Variants in PPFIBP1 observed in about 807,000 individuals in gnomAD.
The protein encoded by PPFIBP1 is liprin-beta-1.
Under a neutral mutation model 137.8 loss-of-function variants are expected in PPFIBP1, and 112 were observed. That is an observed-to-expected ratio of 0.81 (90% confidence interval 0.70 to 0.95). The LOEUF is 0.95. Ranked by LOEUF, PPFIBP1 falls within the 40% of genes least tolerant of loss-of-function variation. The probability of loss-of-function intolerance (pLI) is 0.00; values close to 1 mark genes in which losing one functional copy is unlikely to be tolerated. For missense variants in PPFIBP1, 1,083 were observed against 1,196.6 expected, an observed-to-expected ratio of 0.91 and a Z score of 1.40; for synonymous variants, 378 against 417.3, an observed-to-expected ratio of 0.91 and a Z score of 1.15.
At position 27,681,534 on chromosome 12, in the gene PPFIBP1, A is replaced by G; in HGVS notation, c.1896-12A>G. 3 of 1,611,574 alleles carry G rather than the reference A, an allele frequency of 1.9e-6. No individual in the cohort carries two copies. The highest frequency in any genetic ancestry group is 2.5e-6 in the Non-Finnish European group (3 of 1,178,070). On this transcript the variant is annotated splice_polypyrimidine_tract_variant and intron_variant, in intron 21 of 29. Coordinates refer to ENST00000228425, the MANE Select transcript of PPFIBP1 (RefSeq NM_003622.4). Reference sequence around the variant, plus strand: ...TGGATTATTTTTCATGCAATTACTCATTTTCCTGTAGTGACTTGGATATGC... The same window carrying G: ...TGGATTATTTTTCATGCAATTACTCGTTTTCCTGTAGTGACTTGGATATGC...
intron 2 of PPFIBP1, among the ~76,000 whole-genome samples, chr12:27,602,255 A>T (rs1015510076): frequency 6.6e-6 from 1 of 152,278 alleles, no homozygotes; most frequent in South Asian, 2.1e-4. Context: ...AGCTGAGGAC[A>T]CCATTTCCCC....
rs551097873 is a variant in PPFIBP1, at chr12:27,632,665, T to G, written c.-35-697T>G. Among the ~76,000 whole-genome samples, 5 of 152,286 alleles carry G rather than the reference T, an allele frequency of 3.3e-5. No individual in the cohort carries two copies. The East Asian group carries it at 9.6e-4, about 29-fold the overall frequency. ...AAACTGAACTTCGCTATATTTACTTTGCTGTGTTTCCATGCAAAAATCAAA... is the reference window on the plus strand; with the variant it reads ...AAACTGAACTTCGCTATATTTACTTGGCTGTGTTTCCATGCAAAAATCAAA... On this transcript the variant is annotated intron_variant, in intron 2 of 29. Transcript: ENST00000228425.
At chr12:27,649,872 A>G in intron 6 of PPFIBP1, 138 bp from the exon 7 acceptor site, 1 of 802,936 alleles carries the variant, frequency 1.2e-6, no homozygotes. Context: ...AATTTTTTAA[A>G]AGTGTGTAGA....
intron 2 of PPFIBP1, among the ~76,000 whole-genome samples, chr12:27,604,750 A>G (rs1293502875): frequency 1.3e-5 from 2 of 152,168 alleles, no homozygotes; most frequent in Non-Finnish European, 2.9e-5. Flanking sequence ...CTCTTTACCT[A>G]TATTAGTCTG....
rs28491099 is a variant in PPFIBP1 at position 27,671,679 on chromosome 12, G to A, written c.1262+133G>A. On this transcript the variant is annotated intron_variant, in intron 14 of 29. Coordinates refer to ENST00000228425, the MANE Select transcript of PPFIBP1 (RefSeq NM_003622.4). ...AGAAACTGCAAGATGTCCACTGGGG[G>A]ATCTGTAATCAGTTCTGTATTATGG... 878 of 567,562 alleles carry A rather than the reference G, an allele frequency of 1.5e-3. 9 individuals are homozygous for A. The African/African-American group carries it at 0.016, about 10-fold the overall frequency. The allele number at this position is 567,562 out of a possible 1,614,324, so 35.2% of individuals were successfully genotyped here.
At chr12:27,665,642 T>G (rs1372261960) in intron 12 of PPFIBP1, among the ~76,000 whole-genome samples, 2 of 152,222 alleles carry the variant, frequency 1.3e-5, no homozygotes, top group Admixed American at 6.5e-5. Context: ...AAAGTGCTCT[T>G]GTTTTTTAGC....
At chr12:27,631,591 G>A (rs1254037273) in intron 2 of PPFIBP1, among the ~76,000 whole-genome samples, 1 of 152,130 alleles carries the variant, frequency 6.6e-6, no homozygotes, top group East Asian at 1.9e-4. Flanking sequence ...ATTAAATGAA[G>A]GGATTCGTCT....
chr12:27,553,482 A>T (rs928535238), intron 1 of PPFIBP1, among the ~76,000 whole-genome samples: 4 of 152,196 alleles, frequency 2.6e-5, no homozygotes, highest in African/African-American at 9.7e-5. Context: ...ATGTGTTGGG[A>T]AAGTCCCTGG....
At chr12:27,606,410 AT>A (rs1270855120) in intron 2 of PPFIBP1, among the ~76,000 whole-genome samples, 1 of 152,100 alleles carries the variant, frequency 6.6e-6, no homozygotes, top group Non-Finnish European at 1.5e-5. Context: ...AAGCTAGGAA[AT>A]TTTTTTAGCT....
Position 27,667,262 on chromosome 12 carries a change from C to A in PPFIBP1, c.1088C>A (p.Pro363His), listed in dbSNP as rs762420574. 7 of 1,613,426 alleles carry A rather than the reference C, an allele frequency of 4.3e-6. No individual in the cohort carries two copies. In the South Asian group the frequency reaches 5.5e-5, roughly 13 times the overall value. ...AGTGATCTGGAGAAAAGTCCATCAC[C>A]CACTCCAGTAATGGGATCTCCCAGT... ...GFSDLEKSPS[P>H]TPVMGSPSCD... Residue 363 changes from proline (P) to histidine (H), a missense_variant, in exon 13 of 30, where the codon CCC (proline) becomes CAC (histidine). Physicochemically the swap from Pro to His is moderately conservative, Grantham distance 77 (BLOSUM62 -2). Transcript: ENST00000228425.
At chr12:27,590,960 C>G (rs1460439608) in intron 2 of PPFIBP1, among the ~76,000 whole-genome samples, 2 of 152,056 alleles carry the variant, frequency 1.3e-5, no homozygotes, top group Non-Finnish European at 2.9e-5. Context: ...ACCAACCTCC[C>G]CTTGCTGAAT....
chr12:27,538,054 T>C (rs992022859), intron 1 of PPFIBP1: 6 of 152,280 alleles, frequency 3.9e-5, no homozygotes, highest in Non-Finnish European at 7.3e-5. Context: ...CACTGTATCA[T>C]CTTGTGACCT....
At chr12:27,612,591 C>A (rs1276579813) in intron 2 of PPFIBP1, among the ~76,000 whole-genome samples, 1 of 151,970 alleles carries the variant, frequency 6.6e-6, no homozygotes, top group East Asian at 1.9e-4. Context: ...TTAAGCGAGC[C>A]TCCCGTCTCA....
At chr12:27,665,953 T>C (rs888858825) in intron 12 of PPFIBP1, among the ~76,000 whole-genome samples, 1 of 152,260 alleles carries the variant, frequency 6.6e-6, no homozygotes, top group Non-Finnish European at 1.5e-5. Flanking sequence ...CTATGGAATA[T>C]TGCAAATTTG....
intron 1 of PPFIBP1, among the ~76,000 whole-genome samples, chr12:27,576,801 C>G (rs1205833353): frequency 6.6e-6 from 1 of 152,104 alleles, no homozygotes; most frequent in East Asian, 1.9e-4. Flanking sequence ...CCAACTAAAT[C>G]TTGTGTCTAA....
rs761574125 is a variant in PPFIBP1 at position 27,541,263 on chromosome 12, G to GA, written c.-124+16909dup. ...CGTGTGTGTGTGTGTGAGAGAGAGA[G>GA]AAAAAAAAAAATAGAGAAAGTTGGT... is the stretch of plus-strand genomic sequence containing the variant. On this transcript the variant is annotated intron_variant, in intron 1 of 29. Transcript: ENST00000228425. 9.4e-3 allele frequency among the ~76,000 whole-genome samples: 1,366 copies of GA among 145,932 alleles called. 8 individuals carry two copies. Among genetic ancestry groups the GA allele is most frequent in the Non-Finnish European group, 0.016 (1,064 of 65,902 alleles).
chr12:27,553,218 C>T (rs768104370), intron 1 of PPFIBP1, among the ~76,000 whole-genome samples: 13 of 152,156 alleles, frequency 8.5e-5, no homozygotes, highest in Admixed American at 5.2e-4. Flanking sequence ...CTCAAGCTTA[C>T]GATGACATGA....
At chr12:27,584,088 C>T (rs1446162696) in intron 2 of PPFIBP1, 1 of 152,210 alleles carries the variant, frequency 6.6e-6, no homozygotes, top group Non-Finnish European at 1.5e-5. Context: ...GCCAACTGAT[C>T]AATACACAAC....
intron 2 of PPFIBP1, among the ~76,000 whole-genome samples, chr12:27,601,773 C>T (rs1236356464): frequency 4.6e-5 from 7 of 152,176 alleles, no homozygotes; most frequent in East Asian, 1.9e-4. Flanking sequence ...CCATCTAGCA[C>T]GGCCATGAAC....
Sources: gnomAD v4.1 joint callset for allele counts (sites outside exome capture counted in the v4.1 genomes callset) on GRCh38, gnomAD v4.1.1 for gene constraint, MANE v1.5 for transcripts, NCBI Gene and HGNC (gene_info 2026-07-23, HGNC 2026-07-21) for gene names.